STOX2: variants seen among roughly 807,000 people sequenced by gnomAD.
STOX2 encodes the protein storkhead-box protein 2.
In STOX2, 28 loss-of-function variants were observed where a neutral mutation model predicts 60.9. The observed-to-expected ratio is 0.46, with a 90% confidence interval of 0.34 to 0.63. The LOEUF is 0.63. STOX2 is among the 30% of genes least tolerant of loss of function. The pLI is 0.01. For missense variants in STOX2, 1,024 were observed against 1,187.7 expected, an observed-to-expected ratio of 0.86 and a Z score of 2.03; for synonymous variants, 472 against 463.9, an observed-to-expected ratio of 1.02 and a Z score of -0.22.
At chr4:183,854,835 G>C (rs1448309065) in intron 1 of STOX2, among the ~76,000 whole-genome samples, 1 of 152,196 alleles carries the variant, frequency 6.6e-6, no homozygotes, top group African/African-American at 2.4e-5. Flanking sequence ...ACATATGGAA[G>C]ATTGCTTATA....
At chr4:183,852,795 C>T (rs894279680) in intron 1 of STOX2, among the ~76,000 whole-genome samples, 88 of 152,120 alleles carry the variant, frequency 5.8e-4, no homozygotes, top group African/African-American at 2.1e-3. Flanking sequence ...TGTAAGGGTG[C>T]GTCAGCGTAA....
At chr4:183,805,699 G>C (rs568901427) in intron 1 of STOX2, among the ~76,000 whole-genome samples, 3 of 152,188 alleles carry the variant, frequency 2.0e-5, no homozygotes, top group Non-Finnish European at 4.4e-5. Flanking sequence ...TGTGGTCCCA[G>C]CTACTTGAGA....
At chr4:183,924,470 A>C (rs553574818) in intron 1 of STOX2, among the ~76,000 whole-genome samples, 1 of 152,150 alleles carries the variant, frequency 6.6e-6, no homozygotes, top group South Asian at 2.1e-4. Context: ...AGACAGGAGG[A>C]GTCCCCCAGG....
chr4:183,866,980 C>T (rs530433910), intron 1 of STOX2, among the ~76,000 whole-genome samples: 12 of 152,242 alleles, frequency 7.9e-5, no homozygotes, highest in South Asian at 4.1e-4. Context: ...TTTGATACTC[C>T]GTGATACAAA....
At position 183,957,439 on chromosome 4, in the gene STOX2, G is replaced by A. The variant is rs28497361; in HGVS notation, c.167-43886G>A. Among the ~76,000 whole-genome samples the A allele has an allele frequency of 8.4e-3, 1,272 of 152,204 alleles. 16 individuals carry two copies. Among genetic ancestry groups the A allele is most frequent in the African/African-American group, 0.028 (1,155 of 41,526 alleles). On this transcript the variant is annotated intron_variant, in intron 1 of 3. Transcript: ENST00000308497. ...AATGGTGGTTACAAATGTGATATTC[G>A]AATTCGATAGTTTCTTCTAAAGTTA...
At chr4:183,884,592 T>G (rs765603890) in intron 1 of STOX2, among the ~76,000 whole-genome samples, 4 of 152,226 alleles carry the variant, frequency 2.6e-5, no homozygotes, top group Non-Finnish European at 5.9e-5. Context: ...GGGATCCTTT[T>G]GTGAAGGCGT....
intron 1 of STOX2, among the ~76,000 whole-genome samples, chr4:183,948,211 T>C (rs1742952047): frequency 2.7e-5 from 1 of 37,246 alleles, no homozygotes; most frequent in South Asian, 1.1e-3. Context: ...AGAGCAAAAC[T>C]CCATCTCAAA....
At position 183,993,149 on chromosome 4, in the gene STOX2, C is replaced by T. The variant is rs567972635; in HGVS notation, c.167-8176C>T. Among the ~76,000 whole-genome samples, 252 of 152,260 alleles carry T rather than the reference C, an allele frequency of 1.7e-3. 1 individual carries two copies. The highest frequency in any genetic ancestry group is 2.4e-3 in the Non-Finnish European group (166 of 68,028). On this transcript the variant is annotated intron_variant, in intron 1 of 3. Transcript: ENST00000308497. Reference sequence around the variant, plus strand: ...CCCACGAGGATGGCCCCTTTCTGCCCGATGCTCTACCCTTTCTGCCTTATC... The same window carrying T: ...CCCACGAGGATGGCCCCTTTCTGCCTGATGCTCTACCCTTTCTGCCTTATC...
intron 1 of STOX2, among the ~76,000 whole-genome samples, chr4:183,883,170 TATTA>T (rs535626350): frequency 5.9e-4 from 90 of 152,330 alleles, no homozygotes; most frequent in African/African-American, 2.1e-3. Flanking sequence ...CTAGACATCA[TATTA>T]ATTCATCCAT....
intron 1 of STOX2, among the ~76,000 whole-genome samples, chr4:183,829,868 A>G (rs1015187893): frequency 3.3e-5 from 5 of 152,190 alleles, no homozygotes; most frequent in Non-Finnish European, 7.3e-5. Flanking sequence ...TTACACTCCC[A>G]AAGAGACACG....
chr4:183,948,235 A>AG (rs1742957839), intron 1 of STOX2, among the ~76,000 whole-genome samples: 1 of 150,542 alleles, frequency 6.6e-6, no homozygotes, highest in Non-Finnish European at 1.5e-5. Context: ...AAAAAAAAAA[A>AG]AAAAAAAAAC....
chr4:184,000,500 C>T (rs990944228), intron 1 of STOX2, among the ~76,000 whole-genome samples: 2 of 152,168 alleles, frequency 1.3e-5, no homozygotes, highest in African/African-American at 2.4e-5. Context: ...TGCCTTCAGC[C>T]TTCCATGGCT....
upstream of STOX2, among the ~76,000 whole-genome samples, chr4:183,902,942 C>T (rs1741494541): frequency 6.6e-6 from 1 of 152,182 alleles, no homozygotes; most frequent in Non-Finnish European, 1.5e-5. Flanking sequence ...CTGAGTGGAG[C>T]TATAGCTCTT....
chr4:183,985,485 C>T (rs1375387960), intron 1 of STOX2, among the ~76,000 whole-genome samples: 2 of 152,164 alleles, frequency 1.3e-5, no homozygotes, highest in Non-Finnish European at 2.9e-5. Context: ...AAGAGAGTTC[C>T]CCTCTTTAAG....
At chr4:183,932,975 T>G (rs537118487) in intron 1 of STOX2, among the ~76,000 whole-genome samples, 2 of 152,350 alleles carry the variant, frequency 1.3e-5, no homozygotes, top group South Asian at 2.1e-4. Flanking sequence ...CTTGCCTCTA[T>G]TTTTCCATTT....
At chr4:183,879,524 A>C (rs980827886) in intron 1 of STOX2, among the ~76,000 whole-genome samples, 14 of 152,312 alleles carry the variant, frequency 9.2e-5, no homozygotes, top group African/African-American at 3.4e-4. Context: ...CCCTAACATC[A>C]GGTAGGCTTG....
At chr4:183,815,470 A>C (rs1056022011) in intron 1 of STOX2, among the ~76,000 whole-genome samples, 8 of 152,154 alleles carry the variant, frequency 5.3e-5, no homozygotes, top group African/African-American at 1.7e-4. Context: ...TGAACTATAG[A>C]TTTTTAATAA....
chr4:183,863,810 A>AT (rs573032330), intron 1 of STOX2, among the ~76,000 whole-genome samples: 30 of 152,054 alleles, frequency 2.0e-4, no homozygotes, highest in Non-Finnish European at 3.7e-4. Context: ...TATTCTTTTA[A>AT]TTTTTTTTGT....
Position 184,009,152 on chromosome 4 carries a change from T to TTTTAAGG in STOX2, c.320-4_320-3insTAAGGTT. The TTTTAAGG allele has an allele frequency of 6.8e-7, 1 of 1,472,740 alleles. No individual in the cohort carries two copies. The highest frequency in any genetic ancestry group is 2.3e-5 in the East Asian group (1 of 43,024). The allele number at this position is 1,472,740 out of a possible 1,614,324, so 91.2% of individuals were successfully genotyped here. A position where few individuals can be genotyped will look rare whatever the true frequency, so the allele number is the denominator to read the frequency against. ...TCACAAGTGGTTTTTTTTTTTTTTT[T>TTTTAAGG]TTCAGGTGTTCCAACGCCAAGCCAA... On this transcript the variant is annotated splice_region_variant and splice_polypyrimidine_tract_variant and intron_variant, in intron 2 of 3. Coordinates refer to ENST00000308497, the MANE Select transcript of STOX2 (RefSeq NM_020225.3). The surrounding 1 kb of genome is among the most constrained non-coding windows in gnomAD (Gnocchi z 4.0).
Sources: gnomAD v4.1 joint callset for allele counts (sites outside exome capture counted in the v4.1 genomes callset) on GRCh38, gnomAD v4.1.1 for gene constraint, Gnocchi (gnomAD v3.1) non-coding constraint, MANE v1.5 for transcripts, NCBI Gene and HGNC (gene_info 2026-07-23, HGNC 2026-07-21) for gene names.